The following GABRG3 variants were observed in gnomAD, a reference collection of about 807,000 sequenced individuals.
The protein encoded by GABRG3 is gamma-aminobutyric acid receptor subunit gamma-3.
Under a neutral mutation model 48.8 loss-of-function variants are expected in GABRG3, and 25 were observed. That is an observed-to-expected ratio of 0.51 (90% confidence interval 0.37 to 0.72). GABRG3 has a LOEUF of 0.72. Ranked by LOEUF, GABRG3 falls within the 30% of genes least tolerant of loss-of-function variation. The pLI, the probability that GABRG3 is intolerant of heterozygous loss-of-function variation, is 0.00. For missense variants in GABRG3, 394 were observed against 577.9 expected (o/e 0.68, Z 3.26); for synonymous variants, 227 against 217.6 (o/e 1.04, Z -0.38).
chr15:27,460,903 T>C (rs546116111), intron 5 of GABRG3, among the ~76,000 whole-genome samples: 1 of 152,184 alleles, frequency 6.6e-6, no homozygotes, highest in Non-Finnish European at 1.5e-5. Flanking sequence ...TTCTCAGGGC[T>C]AGATAGCTAG....
chr15:27,012,138 A>G (rs990758633), intron 2 of GABRG3, among the ~76,000 whole-genome samples: 8 of 152,236 alleles, frequency 5.3e-5, no homozygotes, highest in East Asian at 1.9e-4. Context: ...CTGTGTGAAG[A>G]TGTTTATTTC....
chr15:27,249,213 C>T (rs908339055), intron 3 of GABRG3, among the ~76,000 whole-genome samples: 3 of 152,266 alleles, frequency 2.0e-5, no homozygotes, highest in African/African-American at 2.4e-5. Flanking sequence ...GAGTGCGTGG[C>T]GCTCCGGGGA....
At chr15:27,256,880 G>A (rs1036198099) in intron 3 of GABRG3, among the ~76,000 whole-genome samples, 7 of 152,154 alleles carry the variant, frequency 4.6e-5, no homozygotes, top group Non-Finnish European at 1.0e-4. Context: ...TGCAAAGCAC[G>A]GGACTGCAGA....
chr15:27,370,894 A>G (rs1010229005), intron 5 of GABRG3, among the ~76,000 whole-genome samples: 4 of 152,162 alleles, frequency 2.6e-5, no homozygotes, highest in Admixed American at 6.5e-5. Flanking sequence ...CTTTATCAAA[A>G]CTGACTAAGC....
intron 2 of GABRG3, among the ~76,000 whole-genome samples, chr15:27,021,208 G>C (rs1194910406): frequency 2.0e-5 from 3 of 152,080 alleles, no homozygotes; most frequent in Non-Finnish European, 4.4e-5. Flanking sequence ...AAAGAGAAAA[G>C]AACATATTTT....
At chr15:27,277,890 T>G (rs1891307501) in intron 3 of GABRG3, among the ~76,000 whole-genome samples, 1 of 152,136 alleles carries the variant, frequency 6.6e-6, no homozygotes, top group African/African-American at 2.4e-5. Flanking sequence ...TACTGAAAGG[T>G]CTAGGTACTA....
chr15:27,482,758 C>A (rs1249693127), intron 6 of GABRG3, among the ~76,000 whole-genome samples: 1 of 152,206 alleles, frequency 6.6e-6, no homozygotes, highest in Admixed American at 6.5e-5. Context: ...AATAATTCTA[C>A]TAGGGAACTT....
intron 3 of GABRG3, among the ~76,000 whole-genome samples, chr15:27,145,670 CAGA>C (rs756879533): frequency 2.8e-3 from 96 of 34,892 alleles, no homozygotes; most frequent in Admixed American, 0.022. Flanking sequence ...TCTATTGTGC[CAGA>C]AGGAGAGGTG....
chr15:26,980,587 G>A (rs776592919), intron 2 of GABRG3, among the ~76,000 whole-genome samples: 1 of 151,470 alleles, frequency 6.6e-6, no homozygotes, highest in Non-Finnish European at 1.5e-5. Flanking sequence ...GCTGAGGCAG[G>A]AGAATGGCGT....
chr15:27,339,640 G>C (rs1012773296), intron 5 of GABRG3, among the ~76,000 whole-genome samples: 40 of 152,132 alleles, frequency 2.6e-4, no homozygotes, highest in African/African-American at 9.2e-4. Flanking sequence ...CCCAATAACT[G>C]ACCTCCTTAC....
intron 5 of GABRG3, among the ~76,000 whole-genome samples, chr15:27,407,019 C>T (rs1382437831): frequency 6.6e-6 from 1 of 152,028 alleles, no homozygotes; most frequent in Non-Finnish European, 1.5e-5. Context: ...CCTCCACCTC[C>T]TAGGTTCAAG....
In GABRG3 at chr15:27,299,628, C is replaced by T. The variant is rs529724335; in HGVS notation, c.271-27181C>T. On this transcript the variant is annotated intron_variant, in intron 3 of 9. Coordinates refer to ENST00000615808, the MANE Select transcript of GABRG3 (RefSeq NM_033223.5). ...TTCCTCCATTCTCTCAAAGTTGAGT[C>T]CCCAGGGAATCAATTCCACTCAGGT... Among the ~76,000 whole-genome samples, 3 of 152,206 alleles carry T rather than the reference C, an allele frequency of 2.0e-5. No homozygotes were observed. In the South Asian group the frequency reaches 6.2e-4, roughly 32 times the overall value.
At chr15:27,219,159 G>A (rs189342669) in intron 3 of GABRG3, among the ~76,000 whole-genome samples, 69 of 152,258 alleles carry the variant, frequency 4.5e-4, no homozygotes, top group African/African-American at 1.3e-3. Flanking sequence ...ATTCTCTCTC[G>A]CAGATTTCAA....
intron 5 of GABRG3, among the ~76,000 whole-genome samples, chr15:27,349,961 C>CAAA (rs374395293): frequency 1.5e-3 from 215 of 146,572 alleles, no homozygotes; most frequent in Middle Eastern, 7.1e-3. Context: ...GTGACAATAA[C>CAAA]AAAAAAAAAC....
At chr15:27,070,089 G>A (rs1896802749) in intron 3 of GABRG3, among the ~76,000 whole-genome samples, 2 of 152,240 alleles carry the variant, frequency 1.3e-5, no homozygotes, top group Admixed American at 1.3e-4. Context: ...GAACAAGATG[G>A]CTATCCAATG....
At chr15:27,088,246 G>C (rs568552555) in intron 3 of GABRG3, among the ~76,000 whole-genome samples, 1 of 88,800 alleles carries the variant, frequency 1.1e-5, no homozygotes, top group East Asian at 5.8e-4. Context: ...GGGAGTGCTC[G>C]GGGCGGGCGC....
At chr15:27,107,869 C>G (rs1897478876) in intron 3 of GABRG3, among the ~76,000 whole-genome samples, 1 of 151,220 alleles carries the variant, frequency 6.6e-6, no homozygotes, top group Non-Finnish European at 1.5e-5. Context: ...AGAATTTTAT[C>G]TAGTATTCCC....
At chr15:27,272,551 T>G (rs1172308291) in intron 3 of GABRG3, among the ~76,000 whole-genome samples, 1 of 152,182 alleles carries the variant, frequency 6.6e-6, no homozygotes, top group African/African-American at 2.4e-5. Context: ...AGAGTGTTTT[T>G]GTATTTTTTT....
At chr15:27,271,716 C>T in intron 3 of GABRG3, 1 of 436,256 alleles carries the variant, frequency 2.3e-6, no homozygotes, top group Non-Finnish European at 4.6e-6. Flanking sequence ...GCCAGAGGGA[C>T]CTCCTGCACC....
Sources: gnomAD v4.1 joint callset for allele counts (sites outside exome capture counted in the v4.1 genomes callset) on GRCh38, gnomAD v4.1.1 for gene constraint, MANE v1.5 for transcripts, NCBI Gene and HGNC (gene_info 2026-07-23, HGNC 2026-07-21) for gene names.